ANKHD1: variants seen among roughly 807,000 people sequenced by gnomAD.
ANKHD1 encodes the protein ankyrin repeat and KH domain containing 1.
In ANKHD1, 31 loss-of-function variants were observed where a neutral mutation model predicts 230.5. The ratio of observed to expected loss-of-function variants is 0.13; its 90% CI spans 0.10 to 0.18. The LOEUF (loss-of-function observed/expected upper bound fraction) is 0.18, where lower values mean the gene tolerates loss of function less well. Among genes scored for constraint, ANKHD1 ranks in the 10% least tolerant of loss-of-function variants. ANKHD1 has a pLI of 1.00. For synonymous variants in ANKHD1, 1,074 were observed against 1,117.6 expected (o/e 0.96, Z 0.78); for missense variants, 2,256 against 3,071.3 (o/e 0.73, Z 6.27).
intron 1 of ANKHD1, among the ~76,000 whole-genome samples, chr5:140,403,630 C>T (rs896517621): frequency 4.6e-5 from 7 of 151,878 alleles, no homozygotes; most frequent in African/African-American, 1.7e-4. Flanking sequence ...AGGATGGTCT[C>T]GATCTCCTGA....
rs1183282682 is a variant in ANKHD1 at position 140,412,630 on chromosome 5, T to C, written c.306+10357T>C. ...AAGGATTAAGAAATAATTAAAACCA[T>C]TGAAATAGAAAGGCATATGCCCAAC... is the stretch of plus-strand genomic sequence containing the variant. On this transcript the variant is annotated intron_variant, in intron 1 of 33. Transcript: ENST00000360839. Among the ~76,000 whole-genome samples, 3 of 152,336 alleles carry C rather than the reference T, an allele frequency of 2.0e-5. No individual in the cohort carries two copies. In the East Asian group the frequency reaches 5.8e-4, roughly 29 times the overall value.
intron 10 of ANKHD1, among the ~76,000 whole-genome samples, chr5:140,470,683 G>A (rs575482671): frequency 3.9e-4 from 57 of 147,830 alleles, no homozygotes; most frequent in Admixed American, 6.2e-4. Context: ...GAGTACAGTG[G>A]CATGATCACA....
At position 140,423,716 on chromosome 5, in the gene ANKHD1, G is replaced by T. The variant is rs575557940; in HGVS notation, c.307-12388G>T. On this transcript the variant is annotated intron_variant, in intron 1 of 33. Transcript: ENST00000360839. The stretch of plus-strand genomic sequence containing the variant: ...TATGTATATTGCATAAACATCTCAG[G>T]CTCATTAATTCTAAAACTGAACTCA... Among the ~76,000 whole-genome samples the T allele has an allele frequency of 1.1e-3, 165 of 152,142 alleles. 2 individuals are homozygous for T. In the South Asian group the frequency reaches 0.025, roughly 23 times the overall value.
chr5:140,429,308 G>A (rs1042167590), intron 1 of ANKHD1, among the ~76,000 whole-genome samples: 13 of 151,630 alleles, frequency 8.6e-5, no homozygotes, highest in South Asian at 8.4e-4. Flanking sequence ...TGGCCAGGCT[G>A]GTCTCGATTT....
At chr5:140,484,879 A>G in intron 11 of ANKHD1, 1 of 386,296 alleles carries the variant, frequency 2.6e-6, no homozygotes, top group Non-Finnish European at 4.1e-6. Context: ...GAGGCTGGGT[A>G]GTGACTGAAA....
chr5:140,473,279 C>T (rs757715058), intron 10 of ANKHD1, among the ~76,000 whole-genome samples: 12 of 152,110 alleles, frequency 7.9e-5, no homozygotes, highest in Admixed American at 3.9e-4. Flanking sequence ...CTACCCGCCT[C>T]GGCCTCCTAA....
chr5:140,515,705 G>A (rs1045544777), intron 24 of ANKHD1, among the ~76,000 whole-genome samples: 14 of 152,162 alleles, frequency 9.2e-5, no homozygotes, highest in Admixed American at 5.9e-4. Flanking sequence ...TCACACGGCC[G>A]GGTACTTCAA....
At chr5:140,432,276 CT>C (rs1321706435) in intron 1 of ANKHD1, among the ~76,000 whole-genome samples, 3 of 152,294 alleles carry the variant, frequency 2.0e-5, no homozygotes, top group African/African-American at 7.2e-5. Flanking sequence ...CCAAGGCAAC[CT>C]ATTGTCTTTT....
At chr5:140,407,812 G>A (rs370565227) in intron 1 of ANKHD1, among the ~76,000 whole-genome samples, 6 of 152,214 alleles carry the variant, frequency 3.9e-5, no homozygotes, top group South Asian at 2.1e-4. Context: ...AATTTTTGTC[G>A]TAAGAATGAA....
At chr5:140,525,965 G>T in intron 25 of ANKHD1, 31 bp from the exon 26 acceptor site, 1 of 1,533,890 alleles carries the variant, frequency 6.5e-7, no homozygotes, top group South Asian at 1.3e-5. Context: ...CTGTGACTCA[G>T]TATGATTTTT....
At chr5:140,508,219 T>A (rs1365894025) in intron 20 of ANKHD1, among the ~76,000 whole-genome samples, 1 of 152,330 alleles carries the variant, frequency 6.6e-6, no homozygotes, top group Middle Eastern at 3.4e-3. Flanking sequence ...TTTCCCAACC[T>A]CAGCCTTGAG....
intron 32 of ANKHD1, among the ~76,000 whole-genome samples, 183 bp downstream of exon 32, chr5:140,538,444 C>T (rs1252821567): frequency 1.3e-5 from 2 of 152,174 alleles, no homozygotes; most frequent in African/African-American, 4.8e-5. Context: ...GTCCCCATCC[C>T]CCGAAAACAC....
intron 15 of ANKHD1, among the ~76,000 whole-genome samples, chr5:140,502,944 A>G (rs932915677): frequency 2.6e-5 from 4 of 152,210 alleles, no homozygotes; most frequent in Non-Finnish European, 4.4e-5. Context: ...AGAAATTTGT[A>G]TTGCCAAGAT....
At position 140,507,508 on chromosome 5, in the gene ANKHD1, T is replaced by A. The variant is rs1752590911; in HGVS notation, c.3552-277T>A. Reference sequence around the variant, plus strand: ...TTGTAGTAGAGATGGGGTTTCTCCATGTTGGTCAGGCTGGTCTCAAACTCC... The same window carrying A: ...TTGTAGTAGAGATGGGGTTTCTCCAAGTTGGTCAGGCTGGTCTCAAACTCC... On this transcript the variant is annotated intron_variant, in intron 19 of 33. Coordinates refer to ENST00000360839, the MANE Select transcript of ANKHD1 (RefSeq NM_017747.3). The surrounding 1 kb of genome is among the most constrained non-coding windows in gnomAD (Gnocchi z 4.1). Among the ~76,000 whole-genome samples the A allele has an allele frequency of 6.6e-6, 1 of 152,106 alleles. No homozygotes were observed. The highest frequency in any genetic ancestry group is 2.1e-4 in the South Asian group (1 of 4,826).
rs1378779502 is a variant in ANKHD1 at position 140,438,528 on chromosome 5, A to G, written c.528A>G (p.Thr176=). 1 of 1,613,556 alleles carries G rather than the reference A, an allele frequency of 6.2e-7. No individual in the cohort carries two copies. Among genetic ancestry groups the G allele is most frequent in the Non-Finnish European group, 8.5e-7 (1 of 1,179,650 alleles). Reference sequence around the variant, plus strand: ...ATCCTGAGGTACTCCGGAGACTGACATCCTCAGTTAGTTGTGCACTGGATG... The same window carrying G: ...ATCCTGAGGTACTCCGGAGACTGACGTCCTCAGTTAGTTGTGCACTGGATG... ...FADPEVLRRL[T]SSVSCALDEA... The change falls in exon 3 of 34, where the codon ACA becomes ACG. Residue 176 remains threonine (T), a synonymous_variant. Coordinates refer to ENST00000360839, the MANE Select transcript of ANKHD1 (RefSeq NM_017747.3).
intron 1 of ANKHD1, among the ~76,000 whole-genome samples, chr5:140,411,802 G>C (rs1770947520): frequency 6.6e-6 from 1 of 151,600 alleles, no homozygotes; most frequent in African/African-American, 2.4e-5. Flanking sequence ...GGGATTATAG[G>C]CTTGAGCCAC....
At chr5:140,531,691 G>A (rs1436169834) in intron 29 of ANKHD1, among the ~76,000 whole-genome samples, 1 of 152,124 alleles carries the variant, frequency 6.6e-6, no homozygotes, top group East Asian at 1.9e-4. Flanking sequence ...TGGAAAAACA[G>A]TTTCACAGTT....
chr5:140,509,592 A>G, intron 20 of ANKHD1, 45 bp from the exon 21 acceptor site: 3 of 1,463,008 alleles, frequency 2.1e-6, no homozygotes, highest in Non-Finnish European at 2.7e-6. Flanking sequence ...GGAATAGTTA[A>G]AAAAAGAAAT....
rs1045861433 is a variant in ANKHD1 at position 140,531,523 on chromosome 5, G to A, written c.6850+1727G>A. The A allele has an allele frequency of 1.7e-5, 3 of 173,646 alleles. No homozygotes were observed. The South Asian group carries it at 2.8e-4, about 16-fold the overall frequency. 10.8% of individuals were successfully genotyped at this position (173,646 alleles called of 1,614,324 possible). A position where few individuals can be genotyped will look rare whatever the true frequency, so the allele number is the denominator to read the frequency against. On this transcript the variant is annotated intron_variant, in intron 29 of 33. Coordinates refer to ENST00000360839, the MANE Select transcript of ANKHD1 (RefSeq NM_017747.3). ...TTGAACCCAGAAGATGGAGGTTGCA[G>A]TAAGCCGAAATCATGCCACAGCACT...
Sources: allele counts gnomAD v4.1 joint callset (sites outside exome capture counted in the v4.1 genomes callset), GRCh38; gene constraint gnomAD v4.1.1; non-coding constraint Gnocchi (gnomAD v3.1); transcripts MANE v1.5; gene names NCBI Gene and HGNC (gene_info 2026-07-23, HGNC 2026-07-21).